NAGS: variants seen among roughly 807,000 people sequenced by gnomAD.
The protein encoded by NAGS is N-acetylglutamate synthase.
In NAGS, 34 loss-of-function variants were observed where a neutral mutation model predicts 46.9. The observed-to-expected ratio is 0.72, with a 90% CI of 0.55 to 0.97. The LOEUF (loss-of-function observed/expected upper bound fraction) is 0.97. Among genes scored for constraint, NAGS ranks in the 50% least tolerant of loss-of-function variants. The pLI is 0.00. For synonymous variants in NAGS, 334 were observed against 346.3 expected, an observed-to-expected ratio of 0.96 and a Z score of 0.39; for missense variants, 665 against 747.0, an observed-to-expected ratio of 0.89 and a Z score of 1.28.
rs756125451 is a variant in NAGS at position 44,005,974 on chromosome 17, G to T, written c.702-50G>T. 13 of 1,558,552 alleles carry T rather than the reference G, an allele frequency of 8.3e-6. No homozygotes were observed. The highest frequency in any genetic ancestry group is 1.1e-5 in the Non-Finnish European group (13 of 1,155,350). On this transcript the variant is annotated intron_variant, in intron 2 of 6. Coordinates refer to ENST00000293404, the MANE Select transcript of NAGS (RefSeq NM_153006.3). This position sits in a 1 kb window ranked among gnomAD's most constrained non-coding sequence, Gnocchi z 7.2. ...CGTGCTACTCTGCCCGCCCTGCCCCGTCCGGCAGGCCTGGAGGGGGCCCTC... is the reference window on the plus strand; with the variant it reads ...CGTGCTACTCTGCCCGCCCTGCCCCTTCCGGCAGGCCTGGAGGGGGCCCTC...
Position 44,007,508 on chromosome 17 carries a change from C to T in NAGS, c.1268+14C>T. On this transcript the variant is annotated intron_variant, in intron 5 of 6. Coordinates refer to ENST00000293404, the MANE Select transcript of NAGS (RefSeq NM_153006.3). This position sits in a 1 kb window ranked among gnomAD's most constrained non-coding sequence, Gnocchi z 5.1. ...CGTCTCCGAGGGGTAAGCCTGCGGACCCCAGAGGGCGGGGTCTGGGGGGCA... is the reference window on the plus strand; with the variant it reads ...CGTCTCCGAGGGGTAAGCCTGCGGATCCCAGAGGGCGGGGTCTGGGGGGCA... The T allele has an allele frequency of 6.2e-7, 1 of 1,613,554 alleles. No homozygotes were observed. Among genetic ancestry groups the T allele is most frequent in the Non-Finnish European group, 8.5e-7 (1 of 1,179,916 alleles).
chr17:44,008,168 A>G (rs2049119878), intron 6 of NAGS, among the ~76,000 whole-genome samples: 1 of 152,190 alleles, frequency 6.6e-6, no homozygotes, highest in South Asian at 2.1e-4. Context: ...CTGCACAGCC[A>G]AGGCAGTGTG....
rs1270781971 is a variant in NAGS, at chr17:44,004,795, C to T, written c.132C>T (p.Ser44=). ...GARRRAARGT[S]PGRRLSTAWS... Reference sequence around the variant, plus strand: ...GGCGGCGGGCGGCGAGGGGCACCAGCCCGGGGCGCCGGCTCAGCACCGCCT... The same window carrying T: ...GGCGGCGGGCGGCGAGGGGCACCAGTCCGGGGCGCCGGCTCAGCACCGCCT... Residue 44 remains serine, a synonymous_variant, in exon 1 of 7, where the codon AGC becomes AGT. Coordinates refer to ENST00000293404, the MANE Select transcript of NAGS (RefSeq NM_153006.3). 7.3e-7 allele frequency: 1 copy of T among 1,374,070 alleles called. No homozygotes were observed. The allele number at this position is 1,374,070 out of a possible 1,614,324, so 85.1% of individuals were successfully genotyped here.
In NAGS at chr17:44,006,800, C is replaced by A; in HGVS notation, c.1096+91C>A. On this transcript the variant is annotated intron_variant, in intron 4 of 6. Coordinates refer to ENST00000293404, the MANE Select transcript of NAGS (RefSeq NM_153006.3). The surrounding 1 kb of genome is among the most constrained non-coding windows in gnomAD (Gnocchi z 4.8). ...GCGGTCAGGAGGAGCGGCTTCTCCT[C>A]CTGTCCAGGAGCCGTAGGGGGAGGC... 7.2e-7 allele frequency: 1 copy of A among 1,380,092 alleles called. No homozygotes were observed. The allele number at this position is 1,380,092 out of a possible 1,614,324, so 85.5% of individuals were successfully genotyped here.
chr17:44,004,686 T>C lies in NAGS; in HGVS notation c.23T>C (p.Val8Ala), dbSNP rs1405202326. Residue 8 changes from valine (V) to alanine (A), a missense_variant, in exon 1 of 7, where the codon GTG (valine) becomes GCG (alanine). By Grantham distance (64) the Val-to-Ala change is moderately conservative. Transcript: ENST00000293404. MATALMA[V>A]VLRAAAVAPR... ...GTCATGGCGACGGCGCTGATGGCTGTGGTTCTGCGGGCAGCTGCTGTAGCC... is the reference window on the plus strand; with the variant it reads ...GTCATGGCGACGGCGCTGATGGCTGCGGTTCTGCGGGCAGCTGCTGTAGCC... The C allele has an allele frequency of 2.0e-6, 3 of 1,534,314 alleles. No individual in the cohort carries two copies. Among genetic ancestry groups the C allele is most frequent in the African/African-American group, 1.4e-5 (1 of 70,832 alleles).
At chr17:44,008,299 G>A in intron 6 of NAGS, 149 bp from the exon 7 acceptor site, 2 of 913,382 alleles carry the variant, frequency 2.2e-6, no homozygotes, top group Non-Finnish European at 3.6e-6. Context: ...CTGCTGTGAG[G>A]ATAAAATGAG....
chr17:44,006,069 C>T lies in NAGS; in HGVS notation c.747C>T (p.Cys249=). 6.2e-7 allele frequency: 1 copy of T among 1,611,138 alleles called. No homozygotes were observed. Among genetic ancestry groups the T allele is most frequent in the Non-Finnish European group, 8.5e-7 (1 of 1,179,362 alleles). The change falls in exon 3 of 7, where the codon TGC becomes TGT. Residue 249 remains cysteine, a synonymous_variant. Coordinates refer to ENST00000293404, the MANE Select transcript of NAGS (RefSeq NM_153006.3). This position sits in a 1 kb window ranked among gnomAD's most constrained non-coding sequence, Gnocchi z 4.8. The part of the protein sequence containing the change: ...VSVETDLLQW[C]LESGSIPILC... Reference sequence around the variant, plus strand: ...TGGAGACAGACCTGCTGCAGTGGTGCCTGGAGTCGGGCAGCATCCCCATCC... The same window carrying T: ...TGGAGACAGACCTGCTGCAGTGGTGTCTGGAGTCGGGCAGCATCCCCATCC...
In NAGS at chr17:44,006,868, G is replaced by A; in HGVS notation, c.1096+159G>A. On this transcript the variant is annotated intron_variant, in intron 4 of 6. Coordinates refer to ENST00000293404, the MANE Select transcript of NAGS (RefSeq NM_153006.3). This position sits in a 1 kb window ranked among gnomAD's most constrained non-coding sequence, Gnocchi z 4.8. ...TGGCTCCTGCTGCTGCCGAAACCCG[G>A]GGGAGGTGAGAGAGGAGGAGACCCA... 1 of 738,032 alleles carries A rather than the reference G, an allele frequency of 1.4e-6. No homozygotes were observed. The highest frequency in any genetic ancestry group is 1.9e-5 in the South Asian group (1 of 53,162). 45.7% of individuals were successfully genotyped at this position (738,032 alleles called of 1,614,324 possible). A position where few individuals can be genotyped will look rare whatever the true frequency, so the allele number is the denominator to read the frequency against.
rs534514160 is a variant in NAGS, at chr17:44,007,940, G to T, written c.1451+167G>T. Among the ~76,000 whole-genome samples the T allele has an allele frequency of 2.6e-5, 4 of 152,234 alleles. No individual in the cohort carries two copies. In the South Asian group the frequency reaches 8.3e-4, roughly 32 times the overall value. On this transcript the variant is annotated intron_variant, in intron 6 of 6. Coordinates refer to ENST00000293404, the MANE Select transcript of NAGS (RefSeq NM_153006.3). The surrounding 1 kb of genome is among the most constrained non-coding windows in gnomAD (Gnocchi z 5.1). ...AAAGCCTGAGATTTCCCGAGTTAAA[G>T]CATGCTTAACACTCCTTTTCTGGCA...
rs1251567485 is a variant in NAGS, at chr17:44,007,641, C to T, written c.1319C>T (p.Pro440Leu). 6.2e-7 allele frequency: 1 copy of T among 1,602,848 alleles called. No homozygotes were observed. Among genetic ancestry groups the T allele is most frequent in the Non-Finnish European group, 8.5e-7 (1 of 1,174,694 alleles). ...LTMEPVLGGTPYLDKFVVSSS... is the reference protein window; with the variant it reads ...LTMEPVLGGTLYLDKFVVSSS... ...ATGGAGCCCGTCCTGGGGGGCACCCCGTACCTGGACAAATTTGTGGTGAGC... is the reference window on the plus strand; with the variant it reads ...ATGGAGCCCGTCCTGGGGGGCACCCTGTACCTGGACAAATTTGTGGTGAGC... Residue 440 changes from proline to leucine, a missense_variant, in exon 6 of 7, where the codon CCG becomes CTG. Pro to Leu is a moderately conservative substitution (Grantham distance 98). Transcript: ENST00000293404. The surrounding 1 kb of genome is among the most constrained non-coding windows in gnomAD (Gnocchi z 5.1).
Position 44,006,296 on chromosome 17 carries a change from C to T in NAGS, c.915+59C>T, listed in dbSNP as rs1305974426. 1.9e-6 allele frequency: 3 copies of T among 1,576,852 alleles called. No individual in the cohort carries two copies. The highest frequency in any genetic ancestry group is 2.6e-6 in the Non-Finnish European group (3 of 1,158,074). On this transcript the variant is annotated intron_variant, in intron 3 of 6. Coordinates refer to ENST00000293404, the MANE Select transcript of NAGS (RefSeq NM_153006.3). This position sits in a 1 kb window ranked among gnomAD's most constrained non-coding sequence, Gnocchi z 4.8. ...GCGATCCGGGCCTTCTCTTGCGCCC[C>T]TCGCACTTCTCCCCGACGGGCCGCA...
Position 44,004,769 on chromosome 17 carries a change from C to A in NAGS, c.106C>A (p.Arg36=). 1.5e-6 allele frequency: 2 copies of A among 1,378,290 alleles called. No individual in the cohort carries two copies. The highest frequency in any genetic ancestry group is 1.9e-6 in the Non-Finnish European group (2 of 1,072,544). 85.4% of individuals were successfully genotyped at this position (1,378,290 alleles called of 1,614,324 possible). ...CGCCCGAAGGCTGAGCTGTGGCGCG[C>A]GGCGGCGGGCGGCGAGGGGCACCAG... ...GGARRLSCGA[R]RRAARGTSPG... Residue 36 remains arginine, a synonymous_variant, in exon 1 of 7, where the codon CGG becomes AGG. Coordinates refer to ENST00000293404, the MANE Select transcript of NAGS (RefSeq NM_153006.3).
At position 44,007,639 on chromosome 17, in the gene NAGS, C is replaced by A. The variant is rs1483196926; in HGVS notation, c.1317C>A (p.Thr439=). Residue 439 remains threonine, a synonymous_variant, in exon 6 of 7, where the codon ACC becomes ACA. Transcript: ENST00000293404. This position sits in a 1 kb window ranked among gnomAD's most constrained non-coding sequence, Gnocchi z 5.1. ...CCATGGAGCCCGTCCTGGGGGGCAC[C>A]CCGTACCTGGACAAATTTGTGGTGA... ...ILTMEPVLGG[T]PYLDKFVVSS... 1 of 1,603,470 alleles carries A rather than the reference C, an allele frequency of 6.2e-7. No homozygotes were observed. The highest frequency in any genetic ancestry group is 8.5e-7 in the Non-Finnish European group (1 of 1,175,056).
Position 44,005,163 on chromosome 17 carries a change from C to G in NAGS, c.426+74C>G. 6.7e-7 allele frequency: 1 copy of G among 1,500,244 alleles called. No homozygotes were observed. Among genetic ancestry groups the G allele is most frequent in the Non-Finnish European group, 8.9e-7 (1 of 1,123,136 alleles). The allele number at this position is 1,500,244 out of a possible 1,614,324, so 92.9% of individuals were successfully genotyped here. A position where few individuals can be genotyped will look rare whatever the true frequency, so the allele number is the denominator to read the frequency against. On this transcript the variant is annotated intron_variant, in intron 1 of 6. Coordinates refer to ENST00000293404, the MANE Select transcript of NAGS (RefSeq NM_153006.3). This position sits in a 1 kb window ranked among gnomAD's most constrained non-coding sequence, Gnocchi z 7.2. ...TGCGGCCACCTGTCCTCAGGCATGG[C>G]AGGATACGCTGCGGGCTCTGCGCAG...
chr17:44,007,521 G>T lies in NAGS; in HGVS notation c.1268+27G>T. 6.2e-7 allele frequency: 1 copy of T among 1,613,540 alleles called. No homozygotes were observed. Among genetic ancestry groups the T allele is most frequent in the Non-Finnish European group, 8.5e-7 (1 of 1,179,920 alleles). On this transcript the variant is annotated intron_variant, in intron 5 of 6. Coordinates refer to ENST00000293404, the MANE Select transcript of NAGS (RefSeq NM_153006.3). The surrounding 1 kb of genome is among the most constrained non-coding windows in gnomAD (Gnocchi z 5.1). ...TAAGCCTGCGGACCCCAGAGGGCGG[G>T]GTCTGGGGGGCAGTCGGGCAGCTTC...
In NAGS at chr17:44,006,828, G is replaced by A; in HGVS notation, c.1096+119G>A. 1 of 1,135,070 alleles carries A rather than the reference G, an allele frequency of 8.8e-7. No homozygotes were observed. The allele number at this position is 1,135,070 out of a possible 1,614,324, so 70.3% of individuals were successfully genotyped here. ...GTCCAGGAGCCGTAGGGGGAGGCGG[G>A]GGGTGTCACAGCAATGGCTCCTGCT... is the stretch of plus-strand genomic sequence containing the variant. On this transcript the variant is annotated intron_variant, in intron 4 of 6. Coordinates refer to ENST00000293404, the MANE Select transcript of NAGS (RefSeq NM_153006.3). This position sits in a 1 kb window ranked among gnomAD's most constrained non-coding sequence, Gnocchi z 4.8.
rs2049127649 is a variant in NAGS at position 44,008,876 on chromosome 17, G to C, written c.*275G>C. The stretch of plus-strand genomic sequence containing the variant: ...TCAACCTGGGGATTAGGGGAGGGGA[G>C]GGTGCCTTCCAGGGCTCTACTCAGG... On this transcript the variant is annotated 3_prime_UTR_variant, in exon 7 of 7. Transcript: ENST00000293404. 3.7e-6 allele frequency: 2 copies of C among 533,562 alleles called. No individual in the cohort carries two copies. The highest frequency in any genetic ancestry group is 3.8e-5 in the African/African-American group (2 of 52,588). The allele number at this position is 533,562 out of a possible 1,614,324, so 33.1% of individuals were successfully genotyped here. A position where few individuals can be genotyped will look rare whatever the true frequency, so the allele number is the denominator to read the frequency against.
In NAGS at chr17:44,005,524, G is replaced by C; in HGVS notation, c.427-113G>C. 1.4e-6 allele frequency: 2 copies of C among 1,437,898 alleles called. No individual in the cohort carries two copies. Among genetic ancestry groups the C allele is most frequent in the Non-Finnish European group, 1.9e-6 (2 of 1,053,242 alleles). The allele number at this position is 1,437,898 out of a possible 1,614,324, so 89.1% of individuals were successfully genotyped here. On this transcript the variant is annotated intron_variant, in intron 1 of 6. Coordinates refer to ENST00000293404, the MANE Select transcript of NAGS (RefSeq NM_153006.3). The surrounding 1 kb of genome is among the most constrained non-coding windows in gnomAD (Gnocchi z 7.2). ...AGGTGGGCACTGGTGGCCAGAACTG[G>C]GTCCTGACAGCTTCTGGAAGGGTAG...
Position 44,006,420 on chromosome 17 carries a change from T to A in NAGS, c.916-109T>A, listed in dbSNP as rs2049091789. The A allele has an allele frequency of 2.0e-6, 3 of 1,503,204 alleles. No individual in the cohort carries two copies. The highest frequency in any genetic ancestry group is 2.7e-6 in the Non-Finnish European group (3 of 1,109,456). 93.1% of individuals were successfully genotyped at this position (1,503,204 alleles called of 1,614,324 possible). Reference sequence around the variant, plus strand: ...ATCTGCGCCCTCCCTGGCTAAGGACTCCGGGCGGAAGTAAGGATAAAGGGG... The same window carrying A: ...ATCTGCGCCCTCCCTGGCTAAGGACACCGGGCGGAAGTAAGGATAAAGGGG... On this transcript the variant is annotated intron_variant, in intron 3 of 6. Coordinates refer to ENST00000293404, the MANE Select transcript of NAGS (RefSeq NM_153006.3). The surrounding 1 kb of genome is among the most constrained non-coding windows in gnomAD (Gnocchi z 4.8).
Sources: allele counts gnomAD v4.1 joint callset (sites outside exome capture counted in the v4.1 genomes callset), GRCh38; gene constraint gnomAD v4.1.1; non-coding constraint Gnocchi (gnomAD v3.1); transcripts MANE v1.5; gene names NCBI Gene and HGNC (gene_info 2026-07-23, HGNC 2026-07-21).